The following WSCD2 variants were observed in gnomAD, a reference collection of about 807,000 sequenced individuals.
WSCD2 encodes sialate:O-sulfotransferase 2.
A neutral mutation model predicts 55.7 loss-of-function variants in WSCD2; 28 were observed. The observed-to-expected ratio is 0.50, with a 90% confidence interval of 0.37 to 0.69. The LOEUF (loss-of-function observed/expected upper bound fraction) is 0.69. Among genes scored for constraint, WSCD2 ranks in the 30% least tolerant of loss-of-function variants. The pLI is 0.00. For missense variants in WSCD2, 616 were observed against 762.1 expected, an observed-to-expected ratio of 0.81 and a Z score of 2.26; for synonymous variants, 301 against 301.9, an observed-to-expected ratio of 1.00 and a Z score of 0.03.
intron 2 of WSCD2, among the ~76,000 whole-genome samples, chr12:108,203,566 G>A (rs910690344): frequency 4.6e-5 from 7 of 152,172 alleles, no homozygotes; most frequent in Non-Finnish European, 2.9e-5. Context: ...AAGGTCTGCT[G>A]ATGGAAAAAC....
chr12:108,202,680 C>A (rs901625680), intron 2 of WSCD2, among the ~76,000 whole-genome samples: 1 of 152,148 alleles, frequency 6.6e-6, no homozygotes, highest in Non-Finnish European at 1.5e-5. Flanking sequence ...AAGAGGGGAA[C>A]AACAGACACT....
At chr12:108,132,289 ACT>A (rs1875640206) in intron 1 of WSCD2, among the ~76,000 whole-genome samples, 2 of 151,888 alleles carry the variant, frequency 1.3e-5, no homozygotes, top group South Asian at 4.2e-4. Flanking sequence ...GACTTTTAAG[ACT>A]CTGAAAAAAC....
intron 4 of WSCD2, 59 bp from the exon 5 acceptor site, chr12:108,224,680 T>A (rs1284785736): frequency 1.9e-6 from 3 of 1,566,270 alleles, no homozygotes; most frequent in Non-Finnish European, 2.6e-6. Context: ...AATGTGGTTT[T>A]CCCAACCAGA....
chr12:108,146,526 A>C (rs1565916091), intron 1 of WSCD2, among the ~76,000 whole-genome samples: 1 of 152,240 alleles, frequency 6.6e-6, no homozygotes, highest in Non-Finnish European at 1.5e-5. Context: ...AAGAAAAAGA[A>C]AACTAAAACC....
intron 7 of WSCD2, among the ~76,000 whole-genome samples, chr12:108,234,746 A>C (rs150789234): frequency 1.3e-5 from 2 of 152,280 alleles, no homozygotes; most frequent in East Asian, 3.9e-4. Context: ...CCACATTCTC[A>C]CTGTCCTGGC....
chr12:108,228,404 A>G (rs1226358326), intron 6 of WSCD2, among the ~76,000 whole-genome samples: 1 of 152,230 alleles, frequency 6.6e-6, no homozygotes, highest in African/African-American at 2.4e-5. Context: ...GGAACTGGCC[A>G]CAGTTATACA....
chr12:108,192,666 G>T (rs964162022), intron 1 of WSCD2, among the ~76,000 whole-genome samples: 1 of 152,156 alleles, frequency 6.6e-6, no homozygotes, highest in African/African-American at 2.4e-5. Context: ...AAGCTCCTTT[G>T]TTTCTTACCC....
At chr12:108,143,821 C>G (rs913717802) in intron 1 of WSCD2, among the ~76,000 whole-genome samples, 8 of 152,162 alleles carry the variant, frequency 5.3e-5, no homozygotes, top group African/African-American at 1.9e-4. Flanking sequence ...CCTAGCAAGC[C>G]CCCAGCTCCT....
rs116213757 is a variant in WSCD2 at position 108,221,789 on chromosome 12, G to A, written c.683-2950G>A. 7.0e-3 allele frequency among the ~76,000 whole-genome samples: 1,062 copies of A among 152,328 alleles called. 8 individuals carry two copies. Among genetic ancestry groups the A allele is most frequent in the African/African-American group, 0.022 (926 of 41,572 alleles). On this transcript the variant is annotated intron_variant, in intron 4 of 8. Transcript: ENST00000547525. ...TAGTAGGCATGAGAGTTACTGCATA[G>A]TTTAACTCCCAGTCCTCGTTTATAT... is the stretch of plus-strand genomic sequence containing the variant.
At chr12:108,138,648 G>C (rs996712052) in intron 1 of WSCD2, among the ~76,000 whole-genome samples, 1 of 152,180 alleles carries the variant, frequency 6.6e-6, no homozygotes, top group Non-Finnish European at 1.5e-5. Context: ...GCACTAATGT[G>C]TCTGTGGGCA....
In WSCD2 at chr12:108,160,542, C is replaced by T. The variant is rs144142224; in HGVS notation, c.-552+30616C>T. On this transcript the variant is annotated intron_variant, in intron 1 of 8. Coordinates refer to ENST00000547525, the MANE Select transcript of WSCD2 (RefSeq NM_014653.4). Reference sequence around the variant, plus strand: ...GAAAGAGAGGCTGGCAGGGGAGGTGCCACACACTTAAACAGCAACCAGATC... The same window carrying T: ...GAAAGAGAGGCTGGCAGGGGAGGTGTCACACACTTAAACAGCAACCAGATC... Among the ~76,000 whole-genome samples, 4 of 152,066 alleles carry T rather than the reference C, an allele frequency of 2.6e-5. No individual in the cohort carries two copies. In the East Asian group the frequency reaches 7.7e-4, roughly 29 times the overall value.
chr12:108,204,456 G>A (rs889495436), intron 2 of WSCD2, among the ~76,000 whole-genome samples: 1 of 152,072 alleles, frequency 6.6e-6, no homozygotes, highest in African/African-American at 2.4e-5. Context: ...CAGTCCTCTA[G>A]GGAATGGCTG....
At chr12:108,245,798 A>T (rs985681125) in intron 8 of WSCD2, among the ~76,000 whole-genome samples, 3 of 152,236 alleles carry the variant, frequency 2.0e-5, no homozygotes, top group Admixed American at 6.5e-5. Flanking sequence ...GTCTTAACCC[A>T]TTATAACAGT....
intron 1 of WSCD2, among the ~76,000 whole-genome samples, chr12:108,175,712 C>G (rs143901051): frequency 6.6e-6 from 1 of 152,230 alleles, no homozygotes; most frequent in Non-Finnish European, 1.5e-5. Context: ...TCCAGGTGAA[C>G]CTTTCAGGCG....
At position 108,248,629 on chromosome 12, in the gene WSCD2, C is replaced by G; in HGVS notation, c.*286C>G. 8.7e-7 allele frequency: 1 copy of G among 1,152,946 alleles called. No individual in the cohort carries two copies. The highest frequency in any genetic ancestry group is 1.1e-6 in the Non-Finnish European group (1 of 931,902). The allele number at this position is 1,152,946 out of a possible 1,614,324, so 71.4% of individuals were successfully genotyped here. On this transcript the variant is annotated 3_prime_UTR_variant, in exon 9 of 9. Coordinates refer to ENST00000547525, the MANE Select transcript of WSCD2 (RefSeq NM_014653.4). The surrounding 1 kb of genome is among the most constrained non-coding windows in gnomAD (Gnocchi z 4.3). ...CTTTTCTGTCTCCTGGGTCCCTGCC[C>G]CCACCACTCTGGGTTCCATTTGTGG...
intron 7 of WSCD2, 147 bp from the exon 8 acceptor site, chr12:108,240,197 C>A (rs1046510403): frequency 1.0e-6 from 1 of 962,564 alleles, no homozygotes; most frequent in Admixed American, 2.1e-5. Context: ...TAGCACAGTG[C>A]CTGGCACATA....
intron 4 of WSCD2, among the ~76,000 whole-genome samples, chr12:108,218,320 A>G (rs1375426316): frequency 6.6e-6 from 1 of 152,236 alleles, no homozygotes; most frequent in Non-Finnish European, 1.5e-5. Flanking sequence ...AGTCGGGATT[A>G]GAGCTCGTGT....
At chr12:108,233,649 A>AT (rs1889003120) in intron 7 of WSCD2, among the ~76,000 whole-genome samples, 1 of 148,160 alleles carries the variant, frequency 6.7e-6, no homozygotes, top group Admixed American at 6.7e-5. Flanking sequence ...AAAGTCACAC[A>AT]ATTTTTTTTT....
intron 1 of WSCD2, among the ~76,000 whole-genome samples, chr12:108,187,044 C>T (rs780132959): frequency 1.3e-5 from 2 of 152,162 alleles, no homozygotes; most frequent in Non-Finnish European, 2.9e-5. Flanking sequence ...GTGACAGCTC[C>T]TGAGGCTACA....
Sources: gnomAD v4.1 joint callset for allele counts (sites outside exome capture counted in the v4.1 genomes callset) on GRCh38, gnomAD v4.1.1 for gene constraint, Gnocchi (gnomAD v3.1) non-coding constraint, MANE v1.5 for transcripts, NCBI Gene and HGNC (gene_info 2026-07-23, HGNC 2026-07-21) for gene names.